Variants in CFAP299 observed in about 807,000 individuals in gnomAD.
CFAP299 encodes the protein cilia- and flagella-associated protein 299.
Under a neutral mutation model 27.0 loss-of-function variants are expected in CFAP299, and 21 were observed. The observed-to-expected ratio is 0.78, with a 90% CI of 0.55 to 1.12. CFAP299 has a LOEUF of 1.12. CFAP299 is among the 50% of genes most tolerant of loss of function. The probability of loss-of-function intolerance (pLI) is 0.00; values close to 1 mark genes in which losing one functional copy is unlikely to be tolerated. For missense variants in CFAP299, 310 were observed against 276.6 expected (o/e 1.12, Z -0.86); for synonymous variants, 104 against 98.1 (o/e 1.06, Z -0.36).
chr4:80,606,504 C>T (rs1175968203), intron 3 of CFAP299, among the ~76,000 whole-genome samples: 3 of 152,092 alleles, frequency 2.0e-5, no homozygotes, highest in Non-Finnish European at 4.4e-5. Context: ...CATTGCACTC[C>T]AGCCTGGGCA....
At chr4:80,685,392 T>G (rs578004552) in intron 3 of CFAP299, among the ~76,000 whole-genome samples, 1 of 152,068 alleles carries the variant, frequency 6.6e-6, no homozygotes, top group African/African-American at 2.4e-5. Context: ...GACCCTGTGC[T>G]TGGGAACTGA....
chr4:80,503,486 A>G (rs1731840195), intron 2 of CFAP299, among the ~76,000 whole-genome samples: 1 of 152,072 alleles, frequency 6.6e-6, no homozygotes, highest in South Asian at 2.1e-4. Flanking sequence ...TCTTATTCTC[A>G]GGAGAGGCAG....
chr4:80,609,920 C>A (rs911100165), intron 3 of CFAP299, among the ~76,000 whole-genome samples: 11 of 151,992 alleles, frequency 7.2e-5, no homozygotes, highest in African/African-American at 2.7e-4. Context: ...GCTAAAAATT[C>A]TAGACTATGT....
intron 3 of CFAP299, among the ~76,000 whole-genome samples, chr4:80,781,979 GATA>G (rs34089782): frequency 0.12 from 17,942 of 152,044 alleles, 1,362 homozygotes; most frequent in African/African-American, 0.21. Context: ...TGTGAAATGT[GATA>G]ATAATATGTC....
At chr4:80,800,340 A>ATGTATGATATATTAATATAAT (rs1728383875) in intron 3 of CFAP299, among the ~76,000 whole-genome samples, 8 of 72,156 alleles carry the variant, frequency 1.1e-4, no homozygotes, top group Non-Finnish European at 1.4e-4. Flanking sequence ...TAATATATAT[A>ATGTATGATATATTAATATAAT]ATATATAATA....
chr4:80,582,530 T>C (rs1441294279), intron 2 of CFAP299, among the ~76,000 whole-genome samples: 1 of 151,896 alleles, frequency 6.6e-6, no homozygotes, highest in African/African-American at 2.4e-5. Context: ...TTTTGCTTGA[T>C]TGAGATCTTT....
chr4:80,544,710 A>G (rs539340465), intron 2 of CFAP299, among the ~76,000 whole-genome samples: 1 of 152,360 alleles, frequency 6.6e-6, no homozygotes, highest in South Asian at 2.1e-4. Flanking sequence ...ACCCAGATTC[A>G]TAAAATAAGT....
At chr4:80,810,090 G>C (rs964651847) in intron 3 of CFAP299, among the ~76,000 whole-genome samples, 6 of 152,038 alleles carry the variant, frequency 3.9e-5, no homozygotes, top group Non-Finnish European at 7.4e-5. Flanking sequence ...GCTATTTTTA[G>C]TGTTCTTGTT....
At chr4:80,777,805 A>G (rs888050346) in intron 3 of CFAP299, among the ~76,000 whole-genome samples, 1 of 152,170 alleles carries the variant, frequency 6.6e-6, no homozygotes, top group Non-Finnish European at 1.5e-5. Context: ...CATGCAGATG[A>G]TAATACAACA....
chr4:80,504,488 TA>T (rs1205682472), intron 2 of CFAP299, among the ~76,000 whole-genome samples: 3 of 129,062 alleles, frequency 2.3e-5, no homozygotes, highest in African/African-American at 5.5e-5. Flanking sequence ...TATATATATA[TA>T]TATATATATA....
chr4:80,333,002 A>G (rs1321400389), upstream of CFAP299, among the ~76,000 whole-genome samples: 1 of 152,182 alleles, frequency 6.6e-6, no homozygotes, highest in Non-Finnish European at 1.5e-5. Flanking sequence ...CCCATAGCAC[A>G]GTAGTAGTTT....
At chr4:80,901,536 A>G (rs1489094617) in intron 4 of CFAP299, among the ~76,000 whole-genome samples, 1 of 152,124 alleles carries the variant, frequency 6.6e-6, no homozygotes, top group Non-Finnish European at 1.5e-5. Flanking sequence ...CACTTTTAAG[A>G]TGCTTCGTGA....
intron 4 of CFAP299, among the ~76,000 whole-genome samples, chr4:80,891,214 A>C (rs1184047670): frequency 6.7e-6 from 1 of 148,726 alleles, no homozygotes; most frequent in Non-Finnish European, 1.5e-5. Context: ...TAAATCTTTA[A>C]TCCATCTTGA....
intron 2 of CFAP299, among the ~76,000 whole-genome samples, chr4:80,426,179 A>G (rs1727521620): frequency 6.6e-6 from 1 of 151,894 alleles, no homozygotes; most frequent in African/African-American, 2.4e-5. Context: ...TAACATGTTA[A>G]CTATTTCTAT....
At chr4:80,337,398 A>AT (rs1330672953) in intron 1 of CFAP299, among the ~76,000 whole-genome samples, 4,906 of 142,752 alleles carry the variant, frequency 0.034, 86 homozygotes, top group Non-Finnish European at 0.048. Context: ...ATCAATCAGA[A>AT]TTTTTTTTTT....
intron 3 of CFAP299, among the ~76,000 whole-genome samples, chr4:80,834,359 A>T (rs1182222561): frequency 1.3e-5 from 2 of 152,156 alleles, no homozygotes; most frequent in Non-Finnish European, 2.9e-5. Flanking sequence ...CCTTGTGAGG[A>T]TAGCTTGAAT....
chr4:80,658,722 T>G (rs1740686341), intron 3 of CFAP299, among the ~76,000 whole-genome samples: 1 of 152,080 alleles, frequency 6.6e-6, no homozygotes, highest in Non-Finnish European at 1.5e-5. Flanking sequence ...GTAAGAATAG[T>G]GCTTATCATA....
At chr4:80,756,110 A>G (rs1275004044) in intron 3 of CFAP299, among the ~76,000 whole-genome samples, 1 of 152,104 alleles carries the variant, frequency 6.6e-6, no homozygotes, top group Non-Finnish European at 1.5e-5. Flanking sequence ...AGTGGTGCCC[A>G]TCTTGAGTCA....
At chr4:80,486,326 G>C (rs988046276) in intron 2 of CFAP299, among the ~76,000 whole-genome samples, 1 of 152,174 alleles carries the variant, frequency 6.6e-6, no homozygotes, top group South Asian at 2.1e-4. Context: ...AATTGTAGCT[G>C]TGTTTTCTGA....
Sources: allele counts gnomAD v4.1 joint callset (sites outside exome capture counted in the v4.1 genomes callset), GRCh38; gene constraint gnomAD v4.1.1; transcripts MANE v1.5; gene names NCBI Gene and HGNC (gene_info 2026-07-23, HGNC 2026-07-21).